The following RPS6KC1 variants were observed in gnomAD, a reference collection of about 807,000 sequenced individuals.
RPS6KC1 encodes the protein ribosomal protein S6 kinase C1.
Under a neutral mutation model 103.8 loss-of-function variants are expected in RPS6KC1, and 54 were observed. The ratio of observed to expected loss-of-function variants is 0.52; its 90% confidence interval spans 0.42 to 0.65. RPS6KC1 has a LOEUF of 0.65. Among genes scored for constraint, RPS6KC1 ranks in the 30% least tolerant of loss-of-function variants. RPS6KC1 has a pLI of 0.00. For synonymous variants in RPS6KC1, 439 were observed against 438.7 expected, an observed-to-expected ratio of 1.00 and a Z score of -0.01; for missense variants, 1,151 against 1,253.8, an observed-to-expected ratio of 0.92 and a Z score of 1.24.
intron 8 of RPS6KC1, among the ~76,000 whole-genome samples, chr1:213,215,237 G>A (rs1403498040): frequency 6.6e-6 from 1 of 152,194 alleles, no homozygotes; most frequent in Non-Finnish European, 1.5e-5. Context: ...GAATGCACAA[G>A]CTTCAGTAGC....
the RPS6KC1 span, among the ~76,000 whole-genome samples, chr1:213,774,079 G>A: frequency 5.9e-5 from 9 of 152,182 alleles, no homozygotes; most frequent in African/African-American, 2.2e-4. Context: ...CTCTTTCTCT[G>A]GACACAAACC....
At chr1:213,189,793 G>A (rs1441345051) in intron 8 of RPS6KC1, among the ~76,000 whole-genome samples, 2 of 151,414 alleles carry the variant, frequency 1.3e-5, no homozygotes, top group Non-Finnish European at 2.9e-5. Flanking sequence ...TTCCCCTTCC[G>A]AACCCTACAC....
At chr1:213,256,744 A>G (rs1346648316) in intron 12 of RPS6KC1, among the ~76,000 whole-genome samples, 1 of 152,108 alleles carries the variant, frequency 6.6e-6, no homozygotes, top group Non-Finnish European at 1.5e-5. Flanking sequence ...TACATTGGTC[A>G]TTATTTACCT....
At chr1:213,492,364 A>G in the RPS6KC1 span, 1 of 152,256 alleles carries the variant, frequency 6.6e-6, no homozygotes, top group Non-Finnish European at 1.5e-5. Context: ...GCTCAAACGG[A>G]CACATGAGAA....
At chr1:213,200,492 A>C (rs898128548) in intron 8 of RPS6KC1, among the ~76,000 whole-genome samples, 10 of 152,164 alleles carry the variant, frequency 6.6e-5, no homozygotes, top group African/African-American at 2.4e-4. Flanking sequence ...ACTCAAGATG[A>C]ATTAAAGACT....
chr1:213,083,751 C>T (rs1316825552), intron 3 of RPS6KC1, among the ~76,000 whole-genome samples: 1 of 152,060 alleles, frequency 6.6e-6, no homozygotes, highest in Non-Finnish European at 1.5e-5. Context: ...CCCCAGTGGT[C>T]CCTGTCTCCT....
the RPS6KC1 span, among the ~76,000 whole-genome samples, chr1:213,479,735 AT>A: frequency 1.3e-5 from 2 of 151,906 alleles, no homozygotes; most frequent in Non-Finnish European, 2.9e-5. Context: ...ATGTTCTTTT[AT>A]TTTTTCTTCT....
chr1:213,519,722 C>T, the RPS6KC1 span, among the ~76,000 whole-genome samples: 1 of 152,190 alleles, frequency 6.6e-6, no homozygotes, highest in African/African-American at 2.4e-5. Context: ...TCCACAGTCA[C>T]CATTTTTCAG....
At chr1:213,686,987 C>T in the RPS6KC1 span, among the ~76,000 whole-genome samples, 106 of 149,806 alleles carry the variant, frequency 7.1e-4, 1 homozygote, top group East Asian at 0.013. Context: ...GGTCATGGTG[C>T]TGGTGGGGGT....
chr1:213,429,709 C>A, the RPS6KC1 span, among the ~76,000 whole-genome samples: 6,719 of 152,250 alleles, frequency 0.044, 163 homozygotes, highest in African/African-American at 0.06. Flanking sequence ...TTCATCTCCA[C>A]CCACTATCCC....
intron 4 of RPS6KC1, among the ~76,000 whole-genome samples, chr1:213,106,290 T>C (rs77163512): frequency 0.013 from 1,940 of 151,406 alleles, 46 homozygotes; most frequent in African/African-American, 0.044. Context: ...AAAAAAAAGG[T>C]ATTTATTTTT....
intron 6 of RPS6KC1, among the ~76,000 whole-genome samples, chr1:213,151,454 C>G (rs868764287): frequency 7.7e-6 from 1 of 129,372 alleles, no homozygotes; most frequent in East Asian, 2.6e-4. Flanking sequence ...CCGGATGGGG[C>G]GGCTGGCCGG....
At chr1:213,391,504 C>T in the RPS6KC1 span, among the ~76,000 whole-genome samples, 1 of 152,150 alleles carries the variant, frequency 6.6e-6, no homozygotes, top group Non-Finnish European at 1.5e-5. Flanking sequence ...TTGATTGACA[C>T]ATTGGAATAA....
Position 213,262,798 on chromosome 1 carries a change from T to C in RPS6KC1, c.3072T>C (p.Ala1024=). 6.2e-7 allele frequency: 1 copy of C among 1,608,512 alleles called. No individual in the cohort carries two copies. The highest frequency in any genetic ancestry group is 1.1e-5 in the South Asian group (1 of 90,964). ...TGCCAGAATGTGTCTCTGAAGAGGCTCGCTCACTCATTCAACAGGTAATTT... is the reference window on the plus strand; with the variant it reads ...TGCCAGAATGTGTCTCTGAAGAGGCCCGCTCACTCATTCAACAGGTAATTT... The part of the protein sequence containing the change: ...LNMPECVSEE[A]RSLIQQLLQF... Residue 1024 remains alanine, a synonymous_variant, in exon 14 of 15, where the codon GCT becomes GCC. Coordinates refer to ENST00000366960, the MANE Select transcript of RPS6KC1 (RefSeq NM_012424.6).
the RPS6KC1 span, among the ~76,000 whole-genome samples, chr1:213,659,323 C>T: frequency 6.6e-6 from 1 of 152,232 alleles, no homozygotes; most frequent in African/African-American, 2.4e-5. Flanking sequence ...TCACTGAAAC[C>T]CTGTTCCATC....
chr1:213,542,647 G>T, the RPS6KC1 span, among the ~76,000 whole-genome samples: 2 of 152,198 alleles, frequency 1.3e-5, no homozygotes, highest in African/African-American at 4.8e-5. Flanking sequence ...TAACTTAAGA[G>T]TCCCTTACTG....
At chr1:213,666,143 C>T in the RPS6KC1 span, among the ~76,000 whole-genome samples, 1 of 152,302 alleles carries the variant, frequency 6.6e-6, no homozygotes, top group Non-Finnish European at 1.5e-5. Context: ...GAAAATGAAG[C>T]TGGCTGGGAC....
At chr1:213,838,051 C>T in the RPS6KC1 span, among the ~76,000 whole-genome samples, 1 of 152,094 alleles carries the variant, frequency 6.6e-6, no homozygotes, top group Non-Finnish European at 1.5e-5. Context: ...TGACAGGAAC[C>T]TCTACTCTCT....
At chr1:213,653,711 T>C in the RPS6KC1 span, among the ~76,000 whole-genome samples, 1 of 152,240 alleles carries the variant, frequency 6.6e-6, no homozygotes, top group African/African-American at 2.4e-5. Context: ...TGTCTGATTT[T>C]GCTTATGGTT....
Sources: allele counts gnomAD v4.1 joint callset (sites outside exome capture counted in the v4.1 genomes callset), GRCh38; gene constraint gnomAD v4.1.1; transcripts MANE v1.5; gene names NCBI Gene and HGNC (gene_info 2026-07-23, HGNC 2026-07-21).